Variants in SORCS1 observed in about 807,000 individuals in gnomAD.
SORCS1 encodes the protein VPS10 domain-containing receptor SorCS1.
In SORCS1, 60 loss-of-function variants were observed where a neutral mutation model predicts 146.1. That is an observed-to-expected ratio of 0.41 (90% confidence interval 0.33 to 0.51). SORCS1 has a LOEUF of 0.51. Ranked by LOEUF, SORCS1 falls within the 20% of genes least tolerant of loss-of-function variation. SORCS1 has a pLI of 0.21. For synonymous variants in SORCS1, 637 were observed against 584.0 expected, an observed-to-expected ratio of 1.09 and a Z score of -1.31; for missense variants, 1,352 against 1,487.6, an observed-to-expected ratio of 0.91 and a Z score of 1.50.
chr10:106,839,753 A>G (rs1948942488), intron 2 of SORCS1, among the ~76,000 whole-genome samples: 1 of 152,182 alleles, frequency 6.6e-6, no homozygotes, highest in Non-Finnish European at 1.5e-5. Flanking sequence ...TTGGGGGCTA[A>G]TGCAATTGGT....
intron 3 of SORCS1, among the ~76,000 whole-genome samples, chr10:106,811,729 A>G (rs758033822): frequency 1.3e-5 from 2 of 152,174 alleles, no homozygotes; most frequent in African/African-American, 2.4e-5. Flanking sequence ...AGAAACAGAA[A>G]TTACTGTTAC....
chr10:107,074,662 G>A (rs745858300), intron 1 of SORCS1, among the ~76,000 whole-genome samples: 2 of 152,154 alleles, frequency 1.3e-5, no homozygotes, highest in Admixed American at 1.3e-4. Flanking sequence ...ATTCCTAATA[G>A]CAATGAAGAA....
chr10:106,577,161 T>G lies in SORCS1; in HGVS notation c.*259A>C. 1.5e-6 allele frequency: 2 copies of G among 1,356,490 alleles called. No individual in the cohort carries two copies. 84.0% of individuals were successfully genotyped at this position (1,356,490 alleles called of 1,614,324 possible). On this transcript the variant is annotated 3_prime_UTR_variant, in exon 26 of 26. Transcript: ENST00000263054. Reference sequence around the variant, plus strand: ...GTTTGTTTGTTTGTTTGGATTTTGATTGTTTATATTTTATGTTTTGTTTTG... The same window carrying G: ...GTTTGTTTGTTTGTTTGGATTTTGAGTGTTTATATTTTATGTTTTGTTTTG...
intron 5 of SORCS1, among the ~76,000 whole-genome samples, chr10:106,733,558 G>A (rs1376782880): frequency 6.6e-6 from 1 of 152,166 alleles, no homozygotes; most frequent in Non-Finnish European, 1.5e-5. Flanking sequence ...TATATATGCT[G>A]CTAAATTTTA....
chr10:106,795,904 A>C (rs1360410152), intron 3 of SORCS1, among the ~76,000 whole-genome samples: 1 of 152,146 alleles, frequency 6.6e-6, no homozygotes, highest in African/African-American at 2.4e-5. Flanking sequence ...TGTGAGCCCA[A>C]ATTTCATCAT....
Position 107,016,808 on chromosome 10 carries a change from A to G in SORCS1, c.559-60228T>C, listed in dbSNP as rs539546089. Among the ~76,000 whole-genome samples the G allele has an allele frequency of 1.1e-4, 16 of 152,322 alleles. 1 individual carries two copies. The South Asian group carries it at 2.9e-3, about 28-fold the overall frequency. ...TAGATGACTCATACCATAAATATAT[A>G]AAGAATCCTTCAATCAAAAGAAAAG... On this transcript the variant is annotated intron_variant, in intron 1 of 25. Transcript: ENST00000263054.
At chr10:107,043,245 G>A (rs1959185081) in intron 1 of SORCS1, among the ~76,000 whole-genome samples, 1 of 152,128 alleles carries the variant, frequency 6.6e-6, no homozygotes, top group Non-Finnish European at 1.5e-5. Context: ...AGCATCTAAG[G>A]AAAAAGTAAA....
chr10:106,801,774 C>T (rs532495846), intron 3 of SORCS1, among the ~76,000 whole-genome samples: 1 of 152,276 alleles, frequency 6.6e-6, no homozygotes, highest in South Asian at 2.1e-4. Context: ...TTGTGATCTG[C>T]CCTCCTTGGC....
In SORCS1 at chr10:106,958,317, A is replaced by C. The variant is rs190601682; in HGVS notation, c.559-1737T>G. On this transcript the variant is annotated intron_variant, in intron 1 of 25. Transcript: ENST00000263054. ...TTTCCAACTCAGCAGAAAAATGTTGACATTGATTTCCTGAATTCTTCTCTG... is the reference window on the plus strand; with the variant it reads ...TTTCCAACTCAGCAGAAAAATGTTGCCATTGATTTCCTGAATTCTTCTCTG... Among the ~76,000 whole-genome samples the C allele has an allele frequency of 1.4e-3, 209 of 152,334 alleles. 3 individuals carry two copies. The highest frequency in any genetic ancestry group is 3.1e-3 in the African/African-American group (129 of 41,572).
intron 13 of SORCS1, among the ~76,000 whole-genome samples, chr10:106,675,530 C>A (rs573834147): frequency 6.6e-4 from 100 of 152,260 alleles, no homozygotes; most frequent in Middle Eastern, 3.4e-3. Context: ...AGAGCGATGA[C>A]CTTGTAAGAC....
Position 106,882,208 on chromosome 10 carries a change from T to C in SORCS1, c.627-52535A>G, listed in dbSNP as rs780527041. On this transcript the variant is annotated intron_variant, in intron 2 of 25. Coordinates refer to ENST00000263054, the MANE Select transcript of SORCS1 (RefSeq NM_052918.5). ...AATCTTTTGACTTCCCTAGGCCATA[T>C]TGGACGAAGAAGAATTGTCTTGGGC... Among the ~76,000 whole-genome samples the C allele has an allele frequency of 6.6e-5, 10 of 152,268 alleles. No individual in the cohort carries two copies. In the South Asian group the frequency reaches 1.0e-3, roughly 16 times the overall value.
chr10:106,957,657 CT>C (rs1955028636), intron 1 of SORCS1, among the ~76,000 whole-genome samples: 1 of 152,048 alleles, frequency 6.6e-6, no homozygotes, highest in African/African-American at 2.4e-5. Flanking sequence ...TAATATATTT[CT>C]TATGGAACCC....
At chr10:106,674,274 A>AGCCGAGATCATGCCACTGCACTC (rs1241970267) in intron 14 of SORCS1, among the ~76,000 whole-genome samples, 8 of 140,690 alleles carry the variant, frequency 5.7e-5, no homozygotes, top group African/African-American at 1.0e-4. Flanking sequence ...GCCTGCAATG[A>AGCCGAGATCATGCCACTGCACTC]GCCGAGATCA....
intron 23 of SORCS1, among the ~76,000 whole-genome samples, chr10:106,602,620 C>T (rs1269690590): frequency 6.6e-6 from 1 of 151,836 alleles, no homozygotes; most frequent in African/African-American, 2.4e-5. Context: ...CATGAAGACA[C>T]AAATCCGTCA....
At chr10:107,090,886 A>G (rs920708554) in intron 1 of SORCS1, among the ~76,000 whole-genome samples, 2 of 151,772 alleles carry the variant, frequency 1.3e-5, no homozygotes, top group African/African-American at 4.8e-5. Flanking sequence ...TCTAGAATTG[A>G]TTGTCCAATA....
intron 5 of SORCS1, among the ~76,000 whole-genome samples, chr10:106,750,730 A>C (rs1858115494): frequency 5.6e-5 from 1 of 17,896 alleles, no homozygotes; most frequent in Non-Finnish European, 9.6e-5. Context: ...CTCCCTCTCA[A>C]AAAAAAAAAA....
chr10:106,985,725 C>T (rs909232031), intron 1 of SORCS1, among the ~76,000 whole-genome samples: 5 of 151,820 alleles, frequency 3.3e-5, no homozygotes, highest in South Asian at 4.2e-4. Context: ...TTAGTAGAGA[C>T]GGGGTTTCAC....
At chr10:106,857,493 T>C (rs1389484484) in intron 2 of SORCS1, among the ~76,000 whole-genome samples, 2 of 152,204 alleles carry the variant, frequency 1.3e-5, no homozygotes, top group East Asian at 3.9e-4. Context: ...CTGTGTTTTG[T>C]TTCTTTCTTA....
chr10:106,844,307 T>G (rs1000050652), intron 2 of SORCS1, among the ~76,000 whole-genome samples: 4 of 152,162 alleles, frequency 2.6e-5, no homozygotes, highest in Non-Finnish European at 5.9e-5. Flanking sequence ...ATGCAGAAAC[T>G]TTTTTGATTA....
Sources: allele counts gnomAD v4.1 joint callset (sites outside exome capture counted in the v4.1 genomes callset), GRCh38; gene constraint gnomAD v4.1.1; transcripts MANE v1.5; gene names NCBI Gene and HGNC (gene_info 2026-07-23, HGNC 2026-07-21).